The following OSBPL9 variants were observed in gnomAD, a reference collection of about 807,000 sequenced individuals.
OSBPL9 encodes oxysterol binding protein like 9.
In OSBPL9, 40 loss-of-function variants were observed where a neutral mutation model predicts 106.6. The observed-to-expected ratio is 0.38, with a 90% CI of 0.29 to 0.49. OSBPL9 has a LOEUF of 0.49. Among genes scored for constraint, OSBPL9 ranks in the 20% least tolerant of loss-of-function variants. The pLI, the probability that OSBPL9 is intolerant of heterozygous loss-of-function variation, is 0.97. For missense variants in OSBPL9, 609 were observed against 887.2 expected (o/e 0.69, Z 3.98); for synonymous variants, 269 against 295.4 (o/e 0.91, Z 0.92).
intron 3 of OSBPL9, among the ~76,000 whole-genome samples, chr1:51,683,522 G>A (rs570748612): frequency 3.9e-5 from 6 of 152,054 alleles, no homozygotes; most frequent in African/African-American, 1.4e-4. Context: ...GCTGGGCTTG[G>A]TGGCTCATGC....
At chr1:51,597,542 A>T (rs377648901) in intron 1 of OSBPL9, among the ~76,000 whole-genome samples, 91 of 152,010 alleles carry the variant, frequency 6.0e-4, no homozygotes, top group African/African-American at 2.1e-3. Flanking sequence ...ATAATCCCAC[A>T]GAAGAGGTCT....
intron 2 of OSBPL9, among the ~76,000 whole-genome samples, chr1:51,663,414 T>C (rs1647605603): frequency 6.6e-6 from 1 of 152,206 alleles, no homozygotes; most frequent in Middle Eastern, 3.4e-3. Context: ...CAGAACCCAG[T>C]AGAAATGGTG....
At chr1:51,537,463 G>A in the OSBPL9 span, among the ~76,000 whole-genome samples, 4 of 152,186 alleles carry the variant, frequency 2.6e-5, no homozygotes, top group Non-Finnish European at 5.9e-5. Context: ...GGCATCAGAT[G>A]TGCTCATTCC....
intron 18 of OSBPL9, 75 bp from the exon 19 acceptor site, chr1:51,784,189 A>T: frequency 6.7e-7 from 1 of 1,500,692 alleles, no homozygotes; most frequent in Non-Finnish European, 9.3e-7. Context: ...ATCCTGGAGT[A>T]ACCATCAGCT....
chr1:51,617,020 CGCCCCG>C, upstream of OSBPL9: 1 of 1,495,674 alleles, frequency 6.7e-7, no homozygotes, highest in Non-Finnish European at 9.0e-7. Context: ...GCCCAGGACC[CGCCCCG>C]CCCCCTGCGG....
chr1:51,717,927 C>T (rs1469792509), intron 4 of OSBPL9, among the ~76,000 whole-genome samples: 1 of 152,184 alleles, frequency 6.6e-6, no homozygotes, highest in Non-Finnish European at 1.5e-5. Flanking sequence ...TATTGCAGCA[C>T]TATTCACAAT....
intron 8 of OSBPL9, among the ~76,000 whole-genome samples, chr1:51,753,897 G>T (rs1669786214): frequency 6.6e-6 from 1 of 152,190 alleles, no homozygotes; most frequent in East Asian, 1.9e-4. Context: ...GTTGTGTGGG[G>T]TATCACCTGG....
intron 3 of OSBPL9, among the ~76,000 whole-genome samples, chr1:51,681,611 G>T (rs1020351797): frequency 6.6e-6 from 1 of 151,846 alleles, no homozygotes; most frequent in Non-Finnish European, 1.5e-5. Flanking sequence ...TGGAAAACAG[G>T]ATGCAGGTTT....
At chr1:51,571,108 A>T in the OSBPL9 span, among the ~76,000 whole-genome samples, 1 of 152,254 alleles carries the variant, frequency 6.6e-6, no homozygotes, top group African/African-American at 2.4e-5. Context: ...AGCTCTCTGT[A>T]CTTTCCTGGG....
At chr1:51,590,416 C>T (rs1394859513) in intron 1 of OSBPL9, among the ~76,000 whole-genome samples, 1 of 151,526 alleles carries the variant, frequency 6.6e-6, no homozygotes, top group African/African-American at 2.4e-5. Context: ...GTCAGGAGAT[C>T]GAGACCATCC....
At chr1:51,628,474 G>T (rs1334890189) in intron 1 of OSBPL9, among the ~76,000 whole-genome samples, 1 of 151,502 alleles carries the variant, frequency 6.6e-6, no homozygotes, top group African/African-American at 2.4e-5. Flanking sequence ...ATTTCAATAC[G>T]TTGGGAGGCT....
chr1:51,555,189 T>C, the OSBPL9 span, among the ~76,000 whole-genome samples: 1 of 152,082 alleles, frequency 6.6e-6, no homozygotes, highest in Non-Finnish European at 1.5e-5. Flanking sequence ...GATACTTACA[T>C]ATAGATGCCT....
In OSBPL9 at chr1:51,746,735, G is replaced by A; in HGVS notation, c.440G>A (p.Cys147Tyr). 1 of 1,608,628 alleles carries A rather than the reference G, an allele frequency of 6.2e-7. No individual in the cohort carries two copies. The highest frequency in any genetic ancestry group is 1.7e-5 in the Admixed American group (1 of 58,734). The change falls in exon 6 of 24, where the codon TGC (cysteine) becomes TAC (tyrosine). Residue 147 changes from cysteine to tyrosine, a missense_variant. Cys to Tyr is a radical substitution (Grantham distance 194, BLOSUM62 -2). Transcript: ENST00000428468. ...LKLFDDKLQN[C>Y]KEDEQRKKIE... ...CTTTTTGATGACAAGCTTCAAAACT[G>A]CAAAGAAGATGAACAGAGAAAGGTA...
intron 4 of OSBPL9, among the ~76,000 whole-genome samples, chr1:51,739,139 T>C (rs1666336657): frequency 6.6e-6 from 1 of 152,038 alleles, no homozygotes; most frequent in Non-Finnish European, 1.5e-5. Context: ...TTCAGGCAGT[T>C]TTTAGATTAC....
rs1266939064 is a variant in OSBPL9 at position 51,783,936 on chromosome 1, G to GT, written c.1539dup (p.Asn514Ter). On this transcript the variant is annotated frameshift_variant, in exon 18 of 24. Coordinates refer to ENST00000428468, the MANE Select transcript of OSBPL9 (RefSeq NM_024586.6). LOFTEE classifies it high-confidence loss of function. ...TCAGTTTCAGCCTTTTATGCTGAGT[G>GT]TTTTAACAAGAAGATACAATTCAAT... 6.2e-7 allele frequency: 1 copy of GT among 1,613,642 alleles called. No individual in the cohort carries two copies. Among genetic ancestry groups the GT allele is most frequent in the Non-Finnish European group, 8.5e-7 (1 of 1,179,572 alleles).
chr1:51,608,681 G>T lies in OSBPL9; in HGVS notation c.-352-5624G>T, dbSNP rs548560778. 3.0e-4 allele frequency among the ~76,000 whole-genome samples: 46 copies of T among 151,808 alleles called. 1 individual carries two copies. In the East Asian group the frequency reaches 6.8e-3, roughly 22 times the overall value. On this transcript the variant is annotated intron_variant, in intron 2 of 25. Transcript: ENST00000371714. The stretch of plus-strand genomic sequence containing the variant: ...GGTCACCTGACATTCCTGGATTGGG[G>T]GGGGGGGCTTTCCTGCCCTGCTCTT...
At chr1:51,618,024 G>GTGTGTGTGTGT (rs1553150728) in intron 1 of OSBPL9, among the ~76,000 whole-genome samples, 2 of 150,418 alleles carry the variant, frequency 1.3e-5, no homozygotes, top group African/African-American at 4.9e-5. Flanking sequence ...GTGTGTGTGT[G>GTGTGTGTGTGT]GTTTTTTTTT....
the OSBPL9 span, among the ~76,000 whole-genome samples, chr1:51,560,468 G>C: frequency 3.9e-5 from 6 of 152,196 alleles, no homozygotes; most frequent in African/African-American, 1.4e-4. Context: ...TGTAGGTAAA[G>C]CACTCACCCC....
At chr1:51,564,337 C>A in the OSBPL9 span, among the ~76,000 whole-genome samples, 15 of 152,196 alleles carry the variant, frequency 9.9e-5, no homozygotes, top group South Asian at 3.1e-3. Context: ...TCTGGCCACA[C>A]CCTCCCCCAC....
Sources: allele counts gnomAD v4.1 joint callset (sites outside exome capture counted in the v4.1 genomes callset), GRCh38; gene constraint gnomAD v4.1.1; transcripts MANE v1.5; gene names NCBI Gene and HGNC (gene_info 2026-07-23, HGNC 2026-07-21).